Variants in TBCK observed in about 807,000 individuals in gnomAD.
TBCK encodes the protein TBC domain-containing protein kinase-like protein.
In TBCK, 99 loss-of-function variants were observed where a neutral mutation model predicts 113.4. That is an observed-to-expected ratio of 0.87 (90% CI 0.74 to 1.03). TBCK has a LOEUF of 1.03. TBCK is among the 50% of genes least tolerant of loss of function. The pLI is 0.00. For missense variants in TBCK, 1,045 were observed against 1,061.3 expected (o/e 0.98, Z 0.21); for synonymous variants, 369 against 370.8 (o/e 1.00, Z 0.05).
At chr4:106,232,794 G>A in intron 17 of TBCK, 144 bp downstream of exon 17, 1 of 714,264 alleles carries the variant, frequency 1.4e-6, no homozygotes, top group Non-Finnish European at 2.2e-6. Context: ...ATGTTTGGAT[G>A]TAAACCTCTC....
At chr4:106,196,085 G>C (rs1460651551) in intron 20 of TBCK, among the ~76,000 whole-genome samples, 2 of 151,856 alleles carry the variant, frequency 1.3e-5, no homozygotes, top group African/African-American at 4.8e-5. Flanking sequence ...CTTCATAACA[G>C]ACTAAAAGTA....
chr4:106,098,689 G>A (rs1741213180), intron 24 of TBCK, among the ~76,000 whole-genome samples: 1 of 152,000 alleles, frequency 6.6e-6, no homozygotes, highest in Non-Finnish European at 1.5e-5. Flanking sequence ...ACTTTACCAC[G>A]TGTTTGGATA....
At chr4:106,187,445 C>G (rs1327579149) in intron 22 of TBCK, among the ~76,000 whole-genome samples, 1 of 150,588 alleles carries the variant, frequency 6.6e-6, no homozygotes, top group African/African-American at 2.4e-5. Flanking sequence ...GAGATGGAGT[C>G]TTGCTCTGTT....
At chr4:106,163,371 T>C (rs933522294) in intron 23 of TBCK, 4 of 152,372 alleles carry the variant, frequency 2.6e-5, no homozygotes, top group Admixed American at 2.6e-4. Context: ...TGTCTTCTTC[T>C]GAGCCCTCCA....
chr4:106,121,827 G>A (rs1248737724), intron 23 of TBCK, among the ~76,000 whole-genome samples: 4 of 151,982 alleles, frequency 2.6e-5, no homozygotes, highest in Non-Finnish European at 4.4e-5. Context: ...TGAAACCAAC[G>A]AGAACAAAGA....
chr4:106,053,385 A>AT (rs1490690990), intron 25 of TBCK, among the ~76,000 whole-genome samples: 2 of 151,698 alleles, frequency 1.3e-5, no homozygotes, highest in Non-Finnish European at 3.0e-5. Context: ...GACTTGGCCT[A>AT]TCAGCATCAT....
intron 20 of TBCK, among the ~76,000 whole-genome samples, chr4:106,195,296 T>A (rs1028527184): frequency 6.6e-6 from 1 of 152,148 alleles, no homozygotes; most frequent in Non-Finnish European, 1.5e-5. Context: ...GCAAAGATTA[T>A]TCACAGAATG....
Position 106,262,164 on chromosome 4 carries a change from C to G in TBCK, c.315G>C (p.Gln105His). The G allele has an allele frequency of 6.5e-7, 1 of 1,548,588 alleles. No homozygotes were observed. Among genetic ancestry groups the G allele is most frequent in the Non-Finnish European group, 8.7e-7 (1 of 1,144,958 alleles). ...GTACTATACCATGTTTGTTCATATA[C>G]TGCAAGCCCTGAAGAACCTCAAATG... Reference protein sequence around the residue: ...CIAFEVLQGLQYMNKHGIVHR... With the variant: ...CIAFEVLQGLHYMNKHGIVHR... The change falls in exon 4 of 26, where the codon CAG becomes CAC. Residue 105 changes from glutamine to histidine, a missense_variant. Physicochemically the swap from Gln to His is conservative, Grantham distance 24. Coordinates refer to ENST00000394708, the MANE Select transcript of TBCK (RefSeq NM_001163435.3).
At chr4:106,176,177 G>A (rs1751645726) in intron 22 of TBCK, among the ~76,000 whole-genome samples, 1 of 152,028 alleles carries the variant, frequency 6.6e-6, no homozygotes, top group Admixed American at 6.6e-5. Flanking sequence ...CTTATGTTGG[G>A]AACATTTTAA....
At chr4:106,144,616 C>T (rs1398347624) in intron 23 of TBCK, among the ~76,000 whole-genome samples, 1 of 152,138 alleles carries the variant, frequency 6.6e-6, no homozygotes, top group Non-Finnish European at 1.5e-5. Flanking sequence ...ATGAGAGGGA[C>T]AAAAGGAAAA....
chr4:106,253,869 C>CA (rs1761694848), intron 5 of TBCK, among the ~76,000 whole-genome samples: 2 of 152,276 alleles, frequency 1.3e-5, no homozygotes, highest in Admixed American at 1.3e-4. Flanking sequence ...AGTGTACTCA[C>CA]AGCTAAGATT....
intron 19 of TBCK, among the ~76,000 whole-genome samples, chr4:106,223,878 T>C (rs1757961984): frequency 6.6e-6 from 1 of 152,166 alleles, no homozygotes; most frequent in Non-Finnish European, 1.5e-5. Flanking sequence ...ACAGATTTCT[T>C]TCTAATTCCT....
At chr4:106,101,654 C>T (rs1005075685) in intron 24 of TBCK, among the ~76,000 whole-genome samples, 2 of 151,938 alleles carry the variant, frequency 1.3e-5, no homozygotes, top group African/African-American at 2.4e-5. Context: ...TAGATACTAA[C>T]TTTTTTTTAA....
At chr4:106,237,710 T>C (rs1214950489) in intron 12 of TBCK, among the ~76,000 whole-genome samples, 1 of 152,288 alleles carries the variant, frequency 6.6e-6, no homozygotes, top group Non-Finnish European at 1.5e-5. Context: ...CTGGTTCTAC[T>C]CTAAAAATCA....
At chr4:106,141,266 G>C (rs771943071) in intron 23 of TBCK, among the ~76,000 whole-genome samples, 1 of 140,086 alleles carries the variant, frequency 7.1e-6, no homozygotes, top group Non-Finnish European at 1.6e-5. Context: ...TAGAAAATTT[G>C]AATCAAATGA....
Position 106,273,960 on chromosome 4 carries a change from G to A in TBCK, c.267-11748C>T, listed in dbSNP as rs1763765436. Among the ~76,000 whole-genome samples, 4 of 152,296 alleles carry A rather than the reference G, an allele frequency of 2.6e-5. No homozygotes were observed. The South Asian group carries it at 8.3e-4, about 32-fold the overall frequency. On this transcript the variant is annotated intron_variant, in intron 3 of 25. Coordinates refer to ENST00000394708, the MANE Select transcript of TBCK (RefSeq NM_001163435.3). ...GGTCTTTCGAAATAGCCCCCATCCT[G>A]AAGCTAGAGGCTTTCAAGTGTCACC...
At chr4:106,248,775 G>A (rs1761108393) in intron 8 of TBCK, 146 bp downstream of exon 8, 1 of 626,030 alleles carries the variant, frequency 1.6e-6, no homozygotes, top group Non-Finnish European at 2.7e-6. Context: ...GCCCTCACCA[G>A]ACGACCAAAC....
At chr4:106,281,819 G>C (rs918307685) in intron 3 of TBCK, among the ~76,000 whole-genome samples, 4 of 151,960 alleles carry the variant, frequency 2.6e-5, no homozygotes, top group African/African-American at 9.7e-5. Flanking sequence ...TATTCTGTGG[G>C]GGAGTTTTGC....
intron 24 of TBCK, among the ~76,000 whole-genome samples, chr4:106,108,495 T>C (rs533785171): frequency 2.6e-5 from 4 of 152,282 alleles, no homozygotes; most frequent in African/African-American, 9.6e-5. Context: ...TAAGCAGAAC[T>C]AAAGACAGAA....
Sources: gnomAD v4.1 joint callset for allele counts (sites outside exome capture counted in the v4.1 genomes callset) on GRCh38, gnomAD v4.1.1 for gene constraint, MANE v1.5 for transcripts, NCBI Gene and HGNC (gene_info 2026-07-23, HGNC 2026-07-21) for gene names.